ADGRL3: variants seen among roughly 807,000 people sequenced by gnomAD.
ADGRL3 encodes the protein calcium-independent alpha-latrotoxin receptor 3.
ADGRL3 carries 62 observed loss-of-function variants against 153.5 expected under a neutral mutation model. The observed-to-expected ratio is 0.40, with a 90% CI of 0.33 to 0.50. The LOEUF (loss-of-function observed/expected upper bound fraction) is 0.50. ADGRL3 is among the 20% of genes least tolerant of loss of function. The pLI is 0.47. For synonymous variants in ADGRL3, 710 were observed against 672.5 expected, an observed-to-expected ratio of 1.06 and a Z score of -0.86; for missense variants, 1,641 against 1,859.4, an observed-to-expected ratio of 0.88 and a Z score of 2.16.
intron 1 of ADGRL3, among the ~76,000 whole-genome samples, chr4:61,324,755 T>G (rs1011591286): frequency 4.6e-5 from 7 of 152,180 alleles, no homozygotes; most frequent in African/African-American, 1.7e-4. Flanking sequence ...TTTTTAGATT[T>G]AAGATTTTTA....
intron 6 of ADGRL3, among the ~76,000 whole-genome samples, chr4:61,684,762 T>C (rs938815517): frequency 1.1e-5 from 1 of 92,012 alleles, no homozygotes; most frequent in Non-Finnish European, 2.4e-5. Flanking sequence ...TGTGCTTTTC[T>C]GTTTGTTGTA....
chr4:61,996,513 C>T (rs1230475995), intron 20 of ADGRL3, among the ~76,000 whole-genome samples, 156 bp downstream of exon 20: 2 of 152,096 alleles, frequency 1.3e-5, no homozygotes, highest in African/African-American at 4.8e-5. Flanking sequence ...TCATTATAGT[C>T]TACTTTTATG....
chr4:61,220,136 A>G (rs1009216645), intron 1 of ADGRL3, among the ~76,000 whole-genome samples: 1 of 151,892 alleles, frequency 6.6e-6, no homozygotes, highest in Admixed American at 6.6e-5. Flanking sequence ...AAAAGAAAAG[A>G]AAAAGAAAAT....
chr4:61,374,433 A>G (rs764925355), intron 1 of ADGRL3, among the ~76,000 whole-genome samples: 2 of 151,994 alleles, frequency 1.3e-5, no homozygotes, highest in Non-Finnish European at 2.9e-5. Context: ...TTTTTCACAA[A>G]CATGTTTTCT....
chr4:61,624,747 G>A (rs533444025), intron 5 of ADGRL3, among the ~76,000 whole-genome samples: 1 of 152,084 alleles, frequency 6.6e-6, no homozygotes, highest in East Asian at 1.9e-4. Context: ...CCTATGCTTT[G>A]AATCTAATGG....
intron 9 of ADGRL3, among the ~76,000 whole-genome samples, chr4:61,837,668 G>A (rs2097957478): frequency 6.6e-6 from 1 of 152,018 alleles, no homozygotes; most frequent in Non-Finnish European, 1.5e-5. Flanking sequence ...TCTGTTTTTA[G>A]GGAAGTTCTG....
chr4:61,888,799 T>A (rs1264723982), intron 9 of ADGRL3, among the ~76,000 whole-genome samples: 2 of 152,212 alleles, frequency 1.3e-5, no homozygotes, highest in African/African-American at 2.4e-5. Context: ...TGAAGTTTTT[T>A]AAAAATACCG....
chr4:62,007,381 TATACACACACACAC>T (rs2099163478), intron 21 of ADGRL3, among the ~76,000 whole-genome samples: 8 of 9,314 alleles, frequency 8.6e-4, no homozygotes, highest in African/African-American at 1.1e-3. Context: ...TATATATATA[TATACACACACACAC>T]ATATATATAT....
chr4:62,014,749 A>G (rs1033189831), intron 21 of ADGRL3, among the ~76,000 whole-genome samples: 1 of 152,154 alleles, frequency 6.6e-6, no homozygotes, highest in Non-Finnish European at 1.5e-5. Flanking sequence ...AAAATGCTCT[A>G]TCATTGAAGT....
At chr4:61,826,713 TAGAG>T (rs968853045) in intron 9 of ADGRL3, among the ~76,000 whole-genome samples, 1 of 152,040 alleles carries the variant, frequency 6.6e-6, no homozygotes, top group Non-Finnish European at 1.5e-5. Context: ...GAGAATGACT[TAGAG>T]AGAGGTAAAT....
At chr4:61,278,214 T>C (rs544051342) in intron 1 of ADGRL3, among the ~76,000 whole-genome samples, 1 of 152,314 alleles carries the variant, frequency 6.6e-6, no homozygotes, top group South Asian at 2.1e-4. Context: ...GTTTATATGT[T>C]GAAAAGATTG....
intron 2 of ADGRL3, among the ~76,000 whole-genome samples, chr4:61,395,711 C>T (rs1042186519): frequency 1.3e-5 from 2 of 151,428 alleles, no homozygotes; most frequent in Non-Finnish European, 3.0e-5. Flanking sequence ...AAAAAAATAG[C>T]CAATTATAAC....
chr4:61,806,714 T>C (rs927824714), intron 8 of ADGRL3, among the ~76,000 whole-genome samples: 2 of 152,060 alleles, frequency 1.3e-5, no homozygotes, highest in African/African-American at 4.8e-5. Flanking sequence ...TAAGTAAAAA[T>C]ACAGATTCAA....
At chr4:61,709,324 G>A (rs1580387729) in intron 6 of ADGRL3, among the ~76,000 whole-genome samples, 1 of 152,164 alleles carries the variant, frequency 6.6e-6, no homozygotes, top group South Asian at 2.1e-4. Flanking sequence ...GTAGTTAGTT[G>A]CCTAATTATT....
intron 9 of ADGRL3, among the ~76,000 whole-genome samples, chr4:61,852,531 T>C (rs989802287): frequency 1.5e-4 from 23 of 152,062 alleles, no homozygotes; most frequent in Non-Finnish European, 1.3e-4. Context: ...GCCAGGCTGG[T>C]CTCAAACTCC....
chr4:61,317,668 GT>G (rs1220276518), intron 1 of ADGRL3, among the ~76,000 whole-genome samples: 1 of 152,154 alleles, frequency 6.6e-6, no homozygotes, highest in Non-Finnish European at 1.5e-5. Context: ...AAGGTAGCTT[GT>G]TCCTCGTTAC....
At chr4:61,598,355 C>T (rs1053948917) in intron 5 of ADGRL3, among the ~76,000 whole-genome samples, 1 of 152,100 alleles carries the variant, frequency 6.6e-6, no homozygotes, top group African/African-American at 2.4e-5. Flanking sequence ...TAAAATGTTA[C>T]ACATGAGTGA....
At chr4:61,293,008 C>T (rs1373904652) in intron 1 of ADGRL3, among the ~76,000 whole-genome samples, 1 of 152,150 alleles carries the variant, frequency 6.6e-6, no homozygotes, top group Non-Finnish European at 1.5e-5. Context: ...GGTTAATCGT[C>T]GTCTTTGCTT....
intron 9 of ADGRL3, among the ~76,000 whole-genome samples, chr4:61,844,057 C>T (rs1044292995): frequency 1.7e-4 from 26 of 149,772 alleles, no homozygotes; most frequent in African/African-American, 5.1e-4. Context: ...ACTATATCAA[C>T]GTCACATTCA....
Sources: allele counts gnomAD v4.1 joint callset (sites outside exome capture counted in the v4.1 genomes callset), GRCh38; gene constraint gnomAD v4.1.1; transcripts MANE v1.5; gene names NCBI Gene and HGNC (gene_info 2026-07-23, HGNC 2026-07-21).